The following TENT4A variants were observed in gnomAD, a reference collection of about 807,000 sequenced individuals.
TENT4A encodes the protein terminal nucleotidyltransferase 4A.
A neutral mutation model predicts 72.8 loss-of-function variants in TENT4A; 7 were observed. That is an observed-to-expected ratio of 0.10 (90% CI 0.05 to 0.18). TENT4A has a LOEUF of 0.18. Ranked by LOEUF, TENT4A falls within the 10% of genes least tolerant of loss-of-function variation. TENT4A has a pLI of 1.00. For missense variants in TENT4A, 831 were observed against 1,017.7 expected (o/e 0.82, Z 2.50); for synonymous variants, 456 against 434.3 (o/e 1.05, Z -0.62).
intron 6 of TENT4A, chr5:6,745,913 T>TC: frequency 1.5e-6 from 1 of 669,852 alleles, no homozygotes; most frequent in Non-Finnish European, 2.1e-6. Flanking sequence ...CAGAATATAG[T>TC]CCAACTTATT....
intron 5 of TENT4A, among the ~76,000 whole-genome samples, chr5:6,742,920 T>A (rs947024622): frequency 2.6e-5 from 4 of 152,166 alleles, no homozygotes; most frequent in Non-Finnish European, 5.9e-5. Context: ...CAGGTGGAAG[T>A]TGATAAATCA....
intron 11 of TENT4A, among the ~76,000 whole-genome samples, chr5:6,752,262 G>C (rs1366577380): frequency 6.6e-6 from 1 of 152,198 alleles, no homozygotes; most frequent in Non-Finnish European, 1.5e-5. Flanking sequence ...GTGAAGTCCA[G>C]GGACGCTGAG....
intron 1 of TENT4A, among the ~76,000 whole-genome samples, chr5:6,715,322 T>A (rs1159138320): frequency 6.6e-6 from 1 of 152,242 alleles, no homozygotes. Flanking sequence ...GTGCCATTTT[T>A]ATTTTAAATA....
chr5:6,736,215 G>C lies in TENT4A; in HGVS notation c.717-1295G>C, dbSNP rs117502102. 8.0e-4 allele frequency among the ~76,000 whole-genome samples: 122 copies of C among 152,292 alleles called. 1 individual carries two copies. The East Asian group carries it at 0.022, about 28-fold the overall frequency. On this transcript the variant is annotated intron_variant, in intron 1 of 12. Coordinates refer to ENST00000230859, the MANE Select transcript of TENT4A (RefSeq NM_006999.6). The stretch of plus-strand genomic sequence containing the variant: ...GCCTAGCCTTAAGCCCTCTGTGGAC[G>C]GCTTGGAATGCGTACTCCAAATGAC...
rs1294729714 is a variant in TENT4A, at chr5:6,713,767, C to T, written c.-217C>T. 1 of 145,068 alleles carries T rather than the reference C, an allele frequency of 6.9e-6. No homozygotes were observed. The highest frequency in any genetic ancestry group is 1.5e-5 in the Non-Finnish European group (1 of 65,356). 9.0% of individuals were successfully genotyped at this position (145,068 alleles called of 1,614,324 possible). On this transcript the variant is annotated 5_prime_UTR_variant, in exon 1 of 13. Transcript: ENST00000230859. ...GCCGCCCGCCGCGGCCTGCCGGGGC[C>T]CATCACCGCCGCCGCCGCCCCACGC...
rs757353325 is a variant in TENT4A, at chr5:6,751,060, A to G, written c.1882A>G (p.Thr628Ala). Residue 628 changes from threonine (T) to alanine (A), a missense_variant, in exon 11 of 13, where the codon ACA (threonine) becomes GCA (alanine). Thr to Ala is a moderately conservative substitution (Grantham distance 58, BLOSUM62 0). Around this residue, in one of 3 missense-constraint regions of TENT4A, gnomAD observed 332 missense variants for 324.3 expected, o/e 1.02. Transcript: ENST00000230859. Reference protein sequence around the residue: ...SDVDSDTPPCTTPSVYQFSLQ... With the variant: ...SDVDSDTPPCATPSVYQFSLQ... ...CAAGGATTCAGACACACCGCCCTGC[A>G]CAACGCCCAGTGTTTACCAGTTCAG... 28 of 1,614,088 alleles carry G rather than the reference A, an allele frequency of 1.7e-5. No homozygotes were observed. Among genetic ancestry groups the G allele is most frequent in the Non-Finnish European group, 2.3e-5 (27 of 1,180,050 alleles).
chr5:6,745,981 C>G, intron 6 of TENT4A: 19 of 1,348,006 alleles, frequency 1.4e-5, no homozygotes, highest in Non-Finnish European at 1.8e-5. Flanking sequence ...GTATGGATTA[C>G]CAATTTCAAA....
chr5:6,753,422 T>C (rs1298892684), intron 12 of TENT4A, among the ~76,000 whole-genome samples: 2 of 152,256 alleles, frequency 1.3e-5, no homozygotes, highest in Admixed American at 1.3e-4. Context: ...GTCCCGTGTA[T>C]GCTGCTGTCA....
rs1017339931 is a variant in TENT4A, at chr5:6,742,665, A to G, written c.1116+68A>G. ...GAGTGCTTGTGCTTGGTGGCATCCT[A>G]CGATGTTTACAGCTGTCAGCTGCAC... On this transcript the variant is annotated intron_variant, in intron 5 of 12. Coordinates refer to ENST00000230859, the MANE Select transcript of TENT4A (RefSeq NM_006999.6). 22 of 867,888 alleles carry G rather than the reference A, an allele frequency of 2.5e-5. No individual in the cohort carries two copies. In the African/African-American group the frequency reaches 3.0e-4, roughly 12 times the overall value. The allele number at this position is 867,888 out of a possible 1,614,324, so 53.8% of individuals were successfully genotyped here. A position where few individuals can be genotyped will look rare whatever the true frequency, so the allele number is the denominator to read the frequency against.
chr5:6,756,900 C>T lies in TENT4A; in HGVS notation c.*1955C>T, dbSNP rs978619773. The T allele has an allele frequency of 6.6e-6, 1 of 152,576 alleles. No homozygotes were observed. The highest frequency in any genetic ancestry group is 2.4e-5 in the African/African-American group (1 of 41,418). 9.5% of individuals were successfully genotyped at this position (152,576 alleles called of 1,614,324 possible). A position where few individuals can be genotyped will look rare whatever the true frequency, so the allele number is the denominator to read the frequency against. ...TGAAGCAAATGAATTGGCCTGGCTA[C>T]CACTGTGGTCGCGTGCTACAGGTTT... On this transcript the variant is annotated 3_prime_UTR_variant, in exon 13 of 13. Transcript: ENST00000230859.
intron 6 of TENT4A, among the ~76,000 whole-genome samples, chr5:6,744,372 G>A (rs1379195714): frequency 6.6e-6 from 1 of 152,206 alleles, no homozygotes; most frequent in Non-Finnish European, 1.5e-5. Flanking sequence ...ATGCTGTGAT[G>A]TATTGATAAA....
intron 11 of TENT4A, chr5:6,751,433 G>GACTTTTCAC (rs2126658211): frequency 1.2e-5 from 3 of 245,918 alleles, no homozygotes; most frequent in Non-Finnish European, 2.3e-5. Flanking sequence ...GCTTTTCACG[G>GACTTTTCAC]GGGCCAGGTT....
chr5:6,737,504 C>A lies in TENT4A; in HGVS notation c.717-6C>A. The A allele has an allele frequency of 6.2e-7, 1 of 1,605,496 alleles. No homozygotes were observed. Among genetic ancestry groups the A allele is most frequent in the Non-Finnish European group, 8.5e-7 (1 of 1,175,516 alleles). On this transcript the variant is annotated splice_region_variant and splice_polypyrimidine_tract_variant and intron_variant, in intron 1 of 12. Transcript: ENST00000230859. ...ACTCTAGTATGTTTTCTTTTTTGTC[C>A]ATTAGACTACATGAGGAAATAATTG...
rs1328353336 is a variant in TENT4A, at chr5:6,714,229, C to T, written c.246C>T (p.Ala82=). ...CGCCGCCCGGCCCCACCGCGCCCGCCGCGCTGCCCCCCGCGCTGCTGACGG... is the reference window on the plus strand; with the variant it reads ...CGCCGCCCGGCCCCACCGCGCCCGCTGCGCTGCCCCCCGCGCTGCTGACGG... ...SPPPPGPTAP[A]ALPPALLTAL... Residue 82 remains alanine, a synonymous_variant, in exon 1 of 13, where the codon GCC becomes GCT. Coordinates refer to ENST00000230859, the MANE Select transcript of TENT4A (RefSeq NM_006999.6). 6.0e-6 allele frequency: 6 copies of T among 996,878 alleles called. No homozygotes were observed. Among genetic ancestry groups the T allele is most frequent in the Non-Finnish European group, 7.1e-6 (6 of 839,416 alleles). 61.8% of individuals were successfully genotyped at this position (996,878 alleles called of 1,614,324 possible).
rs1204152178 is a variant in TENT4A, at chr5:6,737,616, C to A, written c.823C>A (p.Leu275Ile). 1 of 1,614,016 alleles carries A rather than the reference C, an allele frequency of 6.2e-7. No individual in the cohort carries two copies. The highest frequency in any genetic ancestry group is 8.5e-7 in the Non-Finnish European group (1 of 1,179,980). The change falls in exon 2 of 13, where the codon CTT becomes ATT. Residue 275 changes from leucine to isoleucine, a missense_variant. Physicochemically the swap from Leu to Ile is conservative, Grantham distance 5. This residue lies in a region of TENT4A where 197 missense variants were observed against 399.6 expected (regional missense o/e 0.49). Transcript: ENST00000230859. Reference sequence around the variant, plus strand: ...ACGGATCGAAACTGTGGTGAAAGACCTTTGGCCGACGGCTGATGTGAGTAT... The same window carrying A: ...ACGGATCGAAACTGTGGTGAAAGACATTTGGCCGACGGCTGATGTGAGTAT... ...VKRIETVVKD[L>I]WPTADVQIFG...
intron 11 of TENT4A, among the ~76,000 whole-genome samples, chr5:6,751,823 G>T (rs1249467765): frequency 6.6e-6 from 1 of 152,166 alleles, no homozygotes. Flanking sequence ...GAAATGTGGG[G>T]TATAATTTGA....
intron 5 of TENT4A, among the ~76,000 whole-genome samples, 189 bp downstream of exon 5, chr5:6,742,786 T>C (rs969999223): frequency 1.3e-5 from 2 of 152,242 alleles, no homozygotes; most frequent in Non-Finnish European, 2.9e-5. Flanking sequence ...TTTTTAAAAT[T>C]TGCTTTTCCT....
intron 1 of TENT4A, among the ~76,000 whole-genome samples, chr5:6,736,790 TG>T (rs1247642483): frequency 6.6e-6 from 1 of 152,240 alleles, no homozygotes; most frequent in African/African-American, 2.4e-5. Context: ...TTTAGAGCTT[TG>T]TTAAGAGAGA....
chr5:6,714,741 T>TGGTCCTGGCCGGCGCCCGG (rs1554005818), intron 1 of TENT4A, 42 bp downstream of exon 1: 73 of 1,002,942 alleles, frequency 7.3e-5, no homozygotes, highest in Admixed American at 1.4e-4. Flanking sequence ...GCGGGGCCCA[T>TGGTCCTGGCCGGCGCCCGG]GGTCCTGGCC....
Sources: gnomAD v4.1 joint callset for allele counts (sites outside exome capture counted in the v4.1 genomes callset) on GRCh38, gnomAD v4.1.1 for gene constraint, gnomAD v4.1.1 regional missense constraint, MANE v1.5 for transcripts, NCBI Gene and HGNC (gene_info 2026-07-23, HGNC 2026-07-21) for gene names.